The following UGGT1 variants were observed in gnomAD, a reference collection of about 807,000 sequenced individuals.
UGGT1 encodes the protein UDP-glucose:glycoprotein glucosyltransferase 1.
Under a neutral mutation model 203.9 loss-of-function variants are expected in UGGT1, and 107 were observed. That is an observed-to-expected ratio of 0.52 (90% CI 0.45 to 0.62). UGGT1 has a LOEUF of 0.62. Among genes scored for constraint, UGGT1 ranks in the 20% least tolerant of loss-of-function variants. The probability of loss-of-function intolerance (pLI) is 0.00; values close to 1 mark genes in which losing one functional copy is unlikely to be tolerated. For synonymous variants in UGGT1, 628 were observed against 653.5 expected, an observed-to-expected ratio of 0.96 and a Z score of 0.59; for missense variants, 1,673 against 1,867.2, an observed-to-expected ratio of 0.90 and a Z score of 1.92.
At chr2:128,176,059 A>T (rs1005554890) in intron 31 of UGGT1, among the ~76,000 whole-genome samples, 1 of 152,218 alleles carries the variant, frequency 6.6e-6, no homozygotes, top group African/African-American at 2.4e-5. Flanking sequence ...TTGTTGACTG[A>T]TTGTTGCCTC....
intron 6 of UGGT1, among the ~76,000 whole-genome samples, chr2:128,114,157 G>GC (rs1687991371): frequency 6.6e-6 from 1 of 151,822 alleles, no homozygotes; most frequent in South Asian, 2.1e-4. Flanking sequence ...TCGCTCTGTC[G>GC]CCCAGGCTGG....
In UGGT1 at chr2:128,145,861, A is replaced by G. The variant is rs571417676; in HGVS notation, c.1910A>G (p.Asn637Ser). 1.9e-6 allele frequency: 3 copies of G among 1,614,058 alleles called. No individual in the cohort carries two copies. Among genetic ancestry groups the G allele is most frequent in the African/African-American group, 2.7e-5 (2 of 75,048 alleles). ...GVGPLPVVLF[N>S]GMPFEREQLD... is the part of the protein sequence containing the mutation. ...GGACCTCTGCCCGTTGTGCTGTTCA[A>G]TGGAATGCCCTTTGAAAGGGAACAG... Residue 637 changes from asparagine (N) to serine (S), a missense_variant, in exon 18 of 41, where the codon AAT becomes AGT. Physicochemically the swap from Asn to Ser is conservative, Grantham distance 46. Around this residue, in one of 4 missense-constraint regions of UGGT1, gnomAD observed 1,073 missense variants for 1,078.7 expected, o/e 0.99. Coordinates refer to ENST00000259253, the MANE Select transcript of UGGT1 (RefSeq NM_020120.4).
intron 31 of UGGT1, among the ~76,000 whole-genome samples, chr2:128,176,006 T>A (rs760327928): frequency 1.3e-5 from 2 of 152,222 alleles, no homozygotes; most frequent in Non-Finnish European, 2.9e-5. Context: ...TTTGTTACAG[T>A]TTTTCTGGTA....
chr2:128,186,757 G>C lies in UGGT1; in HGVS notation c.4434G>C (p.Trp1478Cys). ...AAGAATGGCTTTGGTGTGAAACGTG[G>C]TGTGATGACGCCTCTAAGAAAAGGG... is the stretch of plus-strand genomic sequence containing the variant. ...LPQEWLWCET[W>C]CDDASKKRAK... Residue 1478 changes from tryptophan to cysteine, a missense_variant, in exon 39 of 41, where the codon TGG becomes TGC. This residue lies in a region of UGGT1 where 513 missense variants were observed against 684.1 expected (regional missense o/e 0.75). Transcript: ENST00000259253. The C allele has an allele frequency of 3.1e-6, 5 of 1,613,576 alleles. No homozygotes were observed. Among genetic ancestry groups the C allele is most frequent in the Non-Finnish European group, 4.2e-6 (5 of 1,179,706 alleles).
At chr2:128,181,624 A>T (rs1691694634) in intron 36 of UGGT1, among the ~76,000 whole-genome samples, 1 of 152,198 alleles carries the variant, frequency 6.6e-6, no homozygotes, top group African/African-American at 2.4e-5. Flanking sequence ...GAGTGGAAGG[A>T]TGTAATGTGT....
Position 128,187,500 on chromosome 2 carries a change from G to T in UGGT1, c.4528G>T (p.Val1510Phe). 3 of 1,614,174 alleles carry T rather than the reference G, an allele frequency of 1.9e-6. No individual in the cohort carries two copies. The highest frequency in any genetic ancestry group is 2.5e-6 in the Non-Finnish European group (3 of 1,180,038). ...GAAACTGGAAGCAGCTGTGCGGATT[G>T]TCCCGGAGTGGCAGGACTACGACCA... ...EPKLEAAVRI[V>F]PEWQDYDQEI... The change falls in exon 40 of 41, where the codon GTC (valine) becomes TTC (phenylalanine). Residue 1510 changes from valine to phenylalanine, a missense_variant. Physicochemically the swap from Val to Phe is conservative, Grantham distance 50 (BLOSUM62 -1). Coordinates refer to ENST00000259253, the MANE Select transcript of UGGT1 (RefSeq NM_020120.4).
intron 16 of UGGT1, among the ~76,000 whole-genome samples, chr2:128,142,618 A>G: frequency 1.3e-5 from 2 of 150,844 alleles, no homozygotes; most frequent in African/African-American, 2.4e-5. Flanking sequence ...TTAATTTCCA[A>G]CCTAGGAAGC....
chr2:128,151,189 C>T (rs904300044), intron 18 of UGGT1: 8 of 528,602 alleles, frequency 1.5e-5, no homozygotes, highest in African/African-American at 3.8e-5. Context: ...GGGTCCCTTC[C>T]CCATAGCCTT....
Position 128,107,941 on chromosome 2 carries a change from C to T in UGGT1, c.281C>T (p.Thr94Ile), listed in dbSNP as rs1687677360. 6.2e-7 allele frequency: 1 copy of T among 1,614,052 alleles called. No individual in the cohort carries two copies. The highest frequency in any genetic ancestry group is 8.5e-7 in the Non-Finnish European group (1 of 1,179,974). Residue 94 changes from threonine to isoleucine, a missense_variant, in exon 4 of 41, where the codon ACC (threonine) becomes ATC (isoleucine). By Grantham distance (89) the Thr-to-Ile change is moderately conservative (BLOSUM62 -1). This residue lies in a region of UGGT1 where 1,073 missense variants were observed against 1,078.7 expected (regional missense o/e 0.99). Transcript: ENST00000259253. ...GGTTAATGTTCTTCCTTGACAGGTA[C>T]CGATTATTCCTACTATCATGCAATA... is the stretch of plus-strand genomic sequence containing the variant. Reference protein sequence around the residue: ...QNIGSSDHDGTDYSYYHAILE... With the variant: ...QNIGSSDHDGIDYSYYHAILE...
In UGGT1 at chr2:128,179,798, A is replaced by T; in HGVS notation, c.3828A>T (p.Leu1276=). ...LYERFLRIMM[L]SVLKNTKTPV... ...TTTTGTTTGGCAGCATAATGATGCTATCCGTGCTGAAGAATACCAAGACTC... is the reference window on the plus strand; with the variant it reads ...TTTTGTTTGGCAGCATAATGATGCTTTCCGTGCTGAAGAATACCAAGACTC... The change falls in exon 35 of 41, where the codon CTA becomes CTT. Residue 1276 remains leucine, a synonymous_variant. Transcript: ENST00000259253. 1 of 1,613,544 alleles carries T rather than the reference A, an allele frequency of 6.2e-7. No individual in the cohort carries two copies.
intron 3 of UGGT1, among the ~76,000 whole-genome samples, chr2:128,106,207 CA>C (rs1467023757): frequency 1.4e-5 from 2 of 146,174 alleles, no homozygotes; most frequent in African/African-American, 2.5e-5. Flanking sequence ...ATTAAGTTAT[CA>C]AAAAATACTT....
chr2:128,115,018 A>T, intron 6 of UGGT1, 106 bp from the exon 7 acceptor site: 1 of 926,296 alleles, frequency 1.1e-6, no homozygotes, highest in Non-Finnish European at 1.7e-6. Context: ...TGAGGGCATA[A>T]TCCGAGGTAA....
chr2:128,136,845 C>T (rs1689150898), intron 15 of UGGT1, among the ~76,000 whole-genome samples: 1 of 152,154 alleles, frequency 6.6e-6, no homozygotes, highest in African/African-American at 2.4e-5. Context: ...ATGAGAGATC[C>T]TGTTGCTCCA....
At position 128,104,961 on chromosome 2, in the gene UGGT1, A is replaced by G. The variant is rs182676388; in HGVS notation, c.277+947A>G. 5.4e-3 allele frequency among the ~76,000 whole-genome samples: 824 copies of G among 151,280 alleles called. 28 individuals carry two copies. Among genetic ancestry groups the G allele is most frequent in the Middle Eastern group, 3.4e-3 (1 of 292 alleles). ...TGTGCCTGGCCAGATATAAGTTCTTACAGAAGAGGAAATGTTTCAAAATTG... is the reference window on the plus strand; with the variant it reads ...TGTGCCTGGCCAGATATAAGTTCTTGCAGAAGAGGAAATGTTTCAAAATTG... On this transcript the variant is annotated intron_variant, in intron 3 of 40. Transcript: ENST00000259253.
chr2:128,127,300 C>T lies in UGGT1; in HGVS notation c.1135-61C>T, dbSNP rs999495874. 36 of 1,226,328 alleles carry T rather than the reference C, an allele frequency of 2.9e-5. No individual in the cohort carries two copies. In the African/African-American group the frequency reaches 5.0e-4, roughly 17 times the overall value. The allele number at this position is 1,226,328 out of a possible 1,614,324, so 76.0% of individuals were successfully genotyped here. On this transcript the variant is annotated intron_variant, in intron 11 of 40. Transcript: ENST00000259253. Reference sequence around the variant, plus strand: ...TTGTACAGGTAGTGAAGCCCAGAAACAATAAAATTTTTTTTAAAACATTCT... The same window carrying T: ...TTGTACAGGTAGTGAAGCCCAGAAATAATAAAATTTTTTTTAAAACATTCT...
At chr2:128,105,336 G>T (rs1250144012) in intron 3 of UGGT1, among the ~76,000 whole-genome samples, 1 of 142,432 alleles carries the variant, frequency 7.0e-6, no homozygotes, top group East Asian at 2.1e-4. Context: ...TTTTATTTGG[G>T]CTAATTAAAA....
chr2:128,101,617 A>G (rs963482908), intron 2 of UGGT1, among the ~76,000 whole-genome samples: 1 of 152,188 alleles, frequency 6.6e-6, no homozygotes, highest in Non-Finnish European at 1.5e-5. Flanking sequence ...ACATGAATTT[A>G]TATTCCAGCT....
intron 19 of UGGT1, 90 bp from the exon 20 acceptor site, chr2:128,155,399 C>A: frequency 1.0e-6 from 1 of 962,032 alleles, no homozygotes; most frequent in Non-Finnish European, 1.6e-6. Context: ...TTCTATAAAT[C>A]TTATATTATG....
chr2:128,117,949 A>G (rs1688196002), intron 8 of UGGT1, among the ~76,000 whole-genome samples: 1 of 148,150 alleles, frequency 6.7e-6, no homozygotes, highest in South Asian at 2.1e-4. Flanking sequence ...GGCAGTTTTT[A>G]TTAGGACATT....
Sources: allele counts gnomAD v4.1 joint callset (sites outside exome capture counted in the v4.1 genomes callset), GRCh38; gene constraint gnomAD v4.1.1; regional missense constraint gnomAD v4.1.1; transcripts MANE v1.5; gene names NCBI Gene and HGNC (gene_info 2026-07-23, HGNC 2026-07-21).